Variants in DNASE2 observed in about 807,000 individuals in gnomAD.
DNASE2 encodes the protein deoxyribonuclease 2, lysosomal, also known as deoxyribonuclease-2-alpha.
DNASE2 carries 26 observed loss-of-function variants against 29.8 expected under a neutral mutation model. The observed-to-expected ratio is 0.87, with a 90% confidence interval of 0.64 to 1.21. DNASE2 has a LOEUF of 1.21. Among genes scored for constraint, DNASE2 ranks in the 50% most tolerant of loss-of-function variants. The pLI is 0.00. For missense variants in DNASE2, 415 were observed against 455.6 expected (o/e 0.91, Z 0.81); for synonymous variants, 186 against 193.5 (o/e 0.96, Z 0.32).
At chr19:12,876,491 G>C in intron 5 of DNASE2, 128 bp from the exon 6 acceptor site, 2 of 1,362,568 alleles carry the variant, frequency 1.5e-6, no homozygotes, top group Non-Finnish European at 1.9e-6. Flanking sequence ...ATGGAGTCTT[G>C]CTCTGTCGCC....
rs994362948 is a variant in DNASE2 at position 12,881,026 on chromosome 19, C to T, written c.213G>A (p.Pro71=). ...GCAGGCTTCGGCCCACGGCCCCCTC[C>T]GGGCTGTTGATGAGTGCCCTGCCGT... The part of the protein sequence containing the change: ...WRDGRALINS[P]EGAVGRSLQP... Residue 71 remains proline, a synonymous_variant, in exon 2 of 6, where the codon CCG becomes CCA. Coordinates refer to ENST00000222219, the MANE Select transcript of DNASE2 (RefSeq NM_001375.3). The T allele has an allele frequency of 6.2e-6, 10 of 1,613,744 alleles. No homozygotes were observed. The highest frequency in any genetic ancestry group is 3.3e-5 in the Admixed American group (2 of 60,006).
At chr19:12,880,909 A>G in intron 2 of DNASE2, 29 bp from the exon 3 acceptor site, 1 of 1,614,208 alleles carries the variant, frequency 6.2e-7, no homozygotes, top group African/African-American at 1.3e-5. Context: ...AGGCAACGTG[A>G]AATTCCTCCC....
At chr19:12,879,055 A>C (rs1428174222) in intron 3 of DNASE2, among the ~76,000 whole-genome samples, 1 of 151,940 alleles carries the variant, frequency 6.6e-6, no homozygotes, top group Non-Finnish European at 1.5e-5. Flanking sequence ...AGGCAGGAGA[A>C]TCGCTTGAAC....
intron 5 of DNASE2, among the ~76,000 whole-genome samples, chr19:12,877,671 G>A (rs1296727828): frequency 3.4e-5 from 5 of 145,704 alleles, no homozygotes; most frequent in Non-Finnish European, 6.0e-5. Flanking sequence ...TCAGCCTCCC[G>A]AGTAACTGGG....
chr19:12,880,356 A>G (rs972428106), intron 3 of DNASE2, among the ~76,000 whole-genome samples: 1 of 151,714 alleles, frequency 6.6e-6, no homozygotes, highest in Non-Finnish European at 1.5e-5. Flanking sequence ...GCTTGGAAAA[A>G]TGCATAGGAA....
intron 5 of DNASE2, among the ~76,000 whole-genome samples, chr19:12,877,217 C>T (rs1970331503): frequency 6.6e-6 from 1 of 151,910 alleles, no homozygotes; most frequent in African/African-American, 2.4e-5. Flanking sequence ...GCCACCGCGT[C>T]CGGCCCTGAG....
At chr19:12,878,946 C>A (rs1219576902) in intron 3 of DNASE2, 112 bp from the exon 4 acceptor site, 3 of 1,356,106 alleles carry the variant, frequency 2.2e-6, no homozygotes, top group Non-Finnish European at 3.1e-6. Flanking sequence ...AGTTAGAAAT[C>A]AGCCTGGCCA....
chr19:12,880,467 G>T (rs1970366966), intron 3 of DNASE2, among the ~76,000 whole-genome samples: 1 of 152,018 alleles, frequency 6.6e-6, no homozygotes, highest in Admixed American at 6.6e-5. Context: ...AGACCAGCCT[G>T]GCCAACATGG....
intron 5 of DNASE2, 148 bp downstream of exon 5, chr19:12,878,234 G>C: frequency 9.9e-7 from 1 of 1,009,834 alleles, no homozygotes; most frequent in Non-Finnish European, 1.5e-6. Context: ...GCAAAACCCA[G>C]GGTTTGAACC....
At position 12,881,405 on chromosome 19, in the gene DNASE2, T is replaced by C. The variant is rs1473067773; in HGVS notation, c.-30A>G. 3.9e-6 allele frequency: 6 copies of C among 1,549,288 alleles called. No homozygotes were observed. In the East Asian group the frequency reaches 9.8e-5, roughly 25 times the overall value. On this transcript the variant is annotated 5_prime_UTR_variant, in exon 1 of 6. Coordinates refer to ENST00000222219, the MANE Select transcript of DNASE2 (RefSeq NM_001375.3). ...GCTATGGGGCTGAGATCCAGGAATCTGTGTCGGGACTGCGGGGCGCTGGGT... is the reference window on the plus strand; with the variant it reads ...GCTATGGGGCTGAGATCCAGGAATCCGTGTCGGGACTGCGGGGCGCTGGGT...
intron 3 of DNASE2, 148 bp downstream of exon 3, chr19:12,880,654 G>A (rs1403206098): frequency 1.9e-6 from 2 of 1,046,880 alleles, no homozygotes; most frequent in Non-Finnish European, 2.8e-6. Flanking sequence ...AACTCCCACC[G>A]TCTCAAAAAC....
intron 1 of DNASE2, 34 bp downstream of exon 1, chr19:12,881,256 C>T (rs766963510): frequency 6.3e-7 from 1 of 1,593,126 alleles, no homozygotes; most frequent in Non-Finnish European, 8.5e-7. Context: ...AGCCGGACCC[C>T]GGGGCGATGG....
chr19:12,876,459 C>CTTTTTTT, intron 5 of DNASE2, 96 bp from the exon 6 acceptor site: 1 of 1,267,054 alleles, frequency 7.9e-7, no homozygotes, highest in Non-Finnish European at 1.0e-6. Context: ...TCCATATTTC[C>CTTTTTTT]TTTTTTTTTT....
intron 5 of DNASE2, chr19:12,878,004 G>T (rs1035227835): frequency 1.8e-5 from 6 of 330,984 alleles, no homozygotes; most frequent in African/African-American, 1.3e-4. Flanking sequence ...TTGTAGAGAT[G>T]AGGTCTTGCT....
chr19:12,879,518 T>TA (rs1304110108), intron 3 of DNASE2, among the ~76,000 whole-genome samples: 1 of 143,150 alleles, frequency 7.0e-6, no homozygotes, highest in African/African-American at 2.6e-5. Context: ...AATTAGAGGG[T>TA]ATTGCTCCAG....
chr19:12,878,954 C>G, intron 3 of DNASE2, 120 bp from the exon 4 acceptor site: 9 of 1,283,018 alleles, frequency 7.0e-6, no homozygotes, highest in South Asian at 5.1e-5. Context: ...ATCAGCCTGG[C>G]CAACATGGCG....
At chr19:12,881,215 G>A (rs867238845) in intron 1 of DNASE2, 63 bp from the exon 2 acceptor site, 2 of 1,610,348 alleles carry the variant, frequency 1.2e-6, no homozygotes, top group East Asian at 2.2e-5. Context: ...AGGGTTCCCC[G>A]AGGAGGTAGC....
intron 1 of DNASE2, 68 bp downstream of exon 1, chr19:12,881,222 T>TA: frequency 6.2e-7 from 1 of 1,609,254 alleles, no homozygotes; most frequent in East Asian, 2.2e-5. Flanking sequence ...CCCGAGGAGG[T>TA]AGCCATCCCG....
chr19:12,880,727 C>G (rs1449406502), intron 3 of DNASE2, 75 bp downstream of exon 3: 1 of 1,577,336 alleles, frequency 6.3e-7, no homozygotes, highest in Non-Finnish European at 8.7e-7. Flanking sequence ...TCTCCCCGAC[C>G]ACCCCATGCA....
Sources: allele counts gnomAD v4.1 joint callset (sites outside exome capture counted in the v4.1 genomes callset), GRCh38; gene constraint gnomAD v4.1.1; transcripts MANE v1.5; gene names NCBI Gene and HGNC (gene_info 2026-07-23, HGNC 2026-07-21).